Variants in GRID2 observed in about 807,000 individuals in gnomAD.
GRID2 encodes the protein glutamate receptor ionotropic, delta-2.
In GRID2, 33 loss-of-function variants were observed where a neutral mutation model predicts 114.8. The ratio of observed to expected loss-of-function variants is 0.29; its 90% CI spans 0.22 to 0.38. The LOEUF is 0.38. Ranked by LOEUF, GRID2 falls within the 10% of genes least tolerant of loss-of-function variation. GRID2 has a pLI of 1.00. For synonymous variants in GRID2, 505 were observed against 449.9 expected (o/e 1.12, Z -1.55); for missense variants, 1,184 against 1,257.7 (o/e 0.94, Z 0.89).
intron 1 of GRID2, among the ~76,000 whole-genome samples, chr4:92,570,382 G>A (rs1348362901): frequency 6.6e-6 from 1 of 152,088 alleles, no homozygotes; most frequent in Non-Finnish European, 1.5e-5. Flanking sequence ...TTTGAAGTGA[G>A]ATAGCATGAA....
chr4:92,604,576 T>C (rs1332600768), intron 2 of GRID2, among the ~76,000 whole-genome samples: 2 of 152,116 alleles, frequency 1.3e-5, no homozygotes, highest in East Asian at 3.9e-4. Context: ...AACTAAGGCA[T>C]GTGGGGCTTA....
intron 2 of GRID2, among the ~76,000 whole-genome samples, chr4:92,949,037 T>G (rs1751844641): frequency 6.6e-6 from 1 of 151,712 alleles, no homozygotes; most frequent in Non-Finnish European, 1.5e-5. Flanking sequence ...TTCTCTTAGT[T>G]GAATAACAGT....
Position 93,005,440 on chromosome 4 carries a change from C to T in GRID2, c.245-79555C>T, listed in dbSNP as rs553614378. The stretch of plus-strand genomic sequence containing the variant: ...TCACTTAGAGTACTGCAATAACCTC[C>T]TGCTTCCCCGTTTCCCAGCTTTCAT... On this transcript the variant is annotated intron_variant, in intron 2 of 15. Transcript: ENST00000282020. 3.9e-4 allele frequency among the ~76,000 whole-genome samples: 60 copies of T among 152,134 alleles called. 1 individual carries two copies. The highest frequency in any genetic ancestry group is 8.2e-4 in the Non-Finnish European group (56 of 67,970).
At chr4:93,246,518 C>T (rs1748224348) in intron 8 of GRID2, among the ~76,000 whole-genome samples, 1 of 148,328 alleles carries the variant, frequency 6.7e-6, no homozygotes, top group African/African-American at 2.5e-5. Context: ...ACCTGGGAGG[C>T]AGAGCTTGCA....
Position 93,188,147 on chromosome 4 carries a change from C to T in GRID2, c.736-19257C>T, listed in dbSNP as rs559774847. On this transcript the variant is annotated intron_variant, in intron 4 of 15. Coordinates refer to ENST00000282020, the MANE Select transcript of GRID2 (RefSeq NM_001510.4). ...ACCTCACCCCCAGAGCTTCACCAGA[C>T]ATTGCCCTAATGGGATCCCTCTGTG... Among the ~76,000 whole-genome samples, 7 of 152,360 alleles carry T rather than the reference C, an allele frequency of 4.6e-5. No homozygotes were observed. The East Asian group carries it at 1.4e-3, about 29-fold the overall frequency.
chr4:92,868,681 A>G (rs910521461), intron 2 of GRID2, among the ~76,000 whole-genome samples: 1 of 151,858 alleles, frequency 6.6e-6, no homozygotes, highest in African/African-American at 2.4e-5. Context: ...TAGATGAAAG[A>G]GCAGAGGAAA....
chr4:93,306,329 T>G (rs1755416994), intron 8 of GRID2: 1 of 152,252 alleles, frequency 6.6e-6, no homozygotes, highest in African/African-American at 2.4e-5. Context: ...GATGTGAGAT[T>G]GCTCATTTCA....
At chr4:92,879,173 A>G (rs965522639) in intron 2 of GRID2, among the ~76,000 whole-genome samples, 5 of 152,170 alleles carry the variant, frequency 3.3e-5, no homozygotes, top group African/African-American at 1.2e-4. Context: ...TTTATTTTCA[A>G]AACTGTTAAT....
At chr4:93,712,792 G>A (rs1314755716) in intron 14 of GRID2, among the ~76,000 whole-genome samples, 2 of 152,054 alleles carry the variant, frequency 1.3e-5, no homozygotes, top group African/African-American at 4.8e-5. Flanking sequence ...AATTTTCCAC[G>A]ATTTATGTGA....
intron 2 of GRID2, among the ~76,000 whole-genome samples, chr4:92,882,500 A>AT (rs1371370985): frequency 6.3e-4 from 94 of 149,418 alleles, no homozygotes; most frequent in African/African-American, 1.3e-3. Flanking sequence ...TGGCTCTCTC[A>AT]TTTTTTTTTT....
At chr4:93,314,550 C>G (rs768104295) in intron 8 of GRID2, among the ~76,000 whole-genome samples, 3 of 152,036 alleles carry the variant, frequency 2.0e-5, no homozygotes, top group Admixed American at 6.6e-5. Flanking sequence ...GGCAAAATAG[C>G]CTGGCTAACT....
intron 1 of GRID2, among the ~76,000 whole-genome samples, chr4:92,393,117 T>C (rs1730327876): frequency 6.6e-6 from 1 of 152,062 alleles, no homozygotes; most frequent in East Asian, 1.9e-4. Context: ...GAAAGAGGGA[T>C]AGAGTGGTGA....
chr4:93,229,204 G>C (rs1199055326), intron 7 of GRID2, among the ~76,000 whole-genome samples: 1 of 151,978 alleles, frequency 6.6e-6, no homozygotes, highest in African/African-American at 2.4e-5. Flanking sequence ...GAGTGTTTTT[G>C]GTCACCTATT....
intron 8 of GRID2, among the ~76,000 whole-genome samples, chr4:93,375,345 T>C (rs938140482): frequency 1.3e-5 from 2 of 151,814 alleles, no homozygotes; most frequent in African/African-American, 2.4e-5. Flanking sequence ...CCCGAGTAGC[T>C]GGGATTACAG....
At chr4:92,447,716 G>A (rs1235005259) in intron 1 of GRID2, among the ~76,000 whole-genome samples, 1 of 152,156 alleles carries the variant, frequency 6.6e-6, no homozygotes, top group East Asian at 1.9e-4. Flanking sequence ...CTTGTCCTTT[G>A]GTTCACAGAC....
chr4:92,781,393 A>G (rs1739066536), intron 2 of GRID2, among the ~76,000 whole-genome samples: 2 of 152,160 alleles, frequency 1.3e-5, no homozygotes, highest in Admixed American at 1.3e-4. Flanking sequence ...GAAGTTTTCA[A>G]ACTTACCTAT....
At chr4:92,708,083 A>C (rs1042542096) in intron 2 of GRID2, among the ~76,000 whole-genome samples, 1 of 152,124 alleles carries the variant, frequency 6.6e-6, no homozygotes, top group Admixed American at 6.6e-5. Context: ...GTTAAGAGAT[A>C]ATGGAATTGG....
intron 14 of GRID2, among the ~76,000 whole-genome samples, chr4:93,628,249 C>T (rs1452362503): frequency 2.0e-5 from 3 of 152,004 alleles, no homozygotes; most frequent in Admixed American, 6.6e-5. Context: ...ATAGGGAATC[C>T]GTCTGTAAAG....
At chr4:92,884,871 T>C (rs1252307174) in intron 2 of GRID2, 2 of 413,562 alleles carry the variant, frequency 4.8e-6, no homozygotes, top group Non-Finnish European at 5.0e-6. Flanking sequence ...ACAGTGTCAG[T>C]TGAGAAATGT....
Sources: allele counts gnomAD v4.1 joint callset (sites outside exome capture counted in the v4.1 genomes callset), GRCh38; gene constraint gnomAD v4.1.1; transcripts MANE v1.5; gene names NCBI Gene and HGNC (gene_info 2026-07-23, HGNC 2026-07-21).